SOS1: variants seen among roughly 807,000 people sequenced by gnomAD.
SOS1 encodes the protein son of sevenless homolog 1.
SOS1 carries 25 observed loss-of-function variants against 157.6 expected under a neutral mutation model. That is an observed-to-expected ratio of 0.16 (90% confidence interval 0.12 to 0.22). The LOEUF is 0.22. Among genes scored for constraint, SOS1 ranks in the 10% least tolerant of loss-of-function variants. The pLI, the probability that SOS1 is intolerant of heterozygous loss-of-function variation, is 1.00. For missense variants in SOS1, 1,237 were observed against 1,599.1 expected, an observed-to-expected ratio of 0.77 and a Z score of 3.86; for synonymous variants, 528 against 534.0, an observed-to-expected ratio of 0.99 and a Z score of 0.16.
At chr2:39,044,880 A>ACACACT (rs1670705443) in intron 6 of SOS1, among the ~76,000 whole-genome samples, 1 of 150,548 alleles carries the variant, frequency 6.6e-6, no homozygotes, top group Non-Finnish European at 1.5e-5. Flanking sequence ...ACACACACAC[A>ACACACT]CTCTGTTGTC....
At chr2:39,102,029 A>G (rs888824689) in intron 1 of SOS1, among the ~76,000 whole-genome samples, 2 of 150,414 alleles carry the variant, frequency 1.3e-5, no homozygotes, top group Non-Finnish European at 3.0e-5. Context: ...AACATGGAGA[A>G]ACCCCATCTC....
chr2:39,045,253 A>G (rs113207438), intron 6 of SOS1, among the ~76,000 whole-genome samples: 3,887 of 120,966 alleles, frequency 0.032, 166 homozygotes, highest in African/African-American at 0.11. Flanking sequence ...GGAGAGAGAG[A>G]GAGAGAGAGA....
chr2:39,050,192 A>G (rs1558488937), intron 6 of SOS1, among the ~76,000 whole-genome samples: 1 of 152,206 alleles, frequency 6.6e-6, no homozygotes, highest in Non-Finnish European at 1.5e-5. Context: ...CTGTATCATA[A>G]TGAGTGGATT....
chr2:39,014,998 C>T (rs1190409590), intron 10 of SOS1, 152 bp from the exon 11 acceptor site: 4 of 607,542 alleles, frequency 6.6e-6, no homozygotes, highest in Non-Finnish European at 1.2e-5. Context: ...TAATGCACTG[C>T]TAGCTTAGTG....
At position 39,120,677 on chromosome 2, in the gene SOS1, G is replaced by A. The variant is rs1673846267; in HGVS notation, c.-255C>T. Among the ~76,000 whole-genome samples the A allele has an allele frequency of 6.8e-6, 1 of 146,724 alleles. No individual in the cohort carries two copies. ...GGAGGCGGCGGCATCCCGCACCACC[G>A]CCCCGGGGCCAGGCCCCCCGCCCCT... On this transcript the variant is annotated 5_prime_UTR_variant, in exon 1 of 23. Coordinates refer to ENST00000402219, the MANE Select transcript of SOS1 (RefSeq NM_005633.4).
chr2:39,006,127 G>A (rs1238419172), intron 17 of SOS1, among the ~76,000 whole-genome samples: 1 of 152,028 alleles, frequency 6.6e-6, no homozygotes, highest in African/African-American at 2.4e-5. Context: ...TGCCTCTGCT[G>A]TATTTAGTTT....
intron 6 of SOS1, among the ~76,000 whole-genome samples, chr2:39,048,306 AACTG>A (rs1327639262): frequency 6.6e-5 from 10 of 152,232 alleles, no homozygotes; most frequent in Non-Finnish European, 2.9e-5. Context: ...TATATTACTC[AACTG>A]ACTGTTAACC....
rs534455319 is a variant in SOS1, at chr2:39,060,790, A to G, written c.214-1986T>C. 2.6e-5 allele frequency among the ~76,000 whole-genome samples: 4 copies of G among 152,342 alleles called. No homozygotes were observed. The East Asian group carries it at 5.8e-4, about 22-fold the overall frequency. ...GTAATTTTATGACTTACTAATGGCCATGACCTGGAGTCTAAAAACACTGGT... is the reference window on the plus strand; with the variant it reads ...GTAATTTTATGACTTACTAATGGCCGTGACCTGGAGTCTAAAAACACTGGT... On this transcript the variant is annotated intron_variant, in intron 2 of 22. Coordinates refer to ENST00000402219, the MANE Select transcript of SOS1 (RefSeq NM_005633.4).
At chr2:39,045,198 A>C (rs987999131) in intron 6 of SOS1, among the ~76,000 whole-genome samples, 1 of 149,924 alleles carries the variant, frequency 6.7e-6, no homozygotes, top group Admixed American at 6.6e-5. Context: ...GGTGGAAGCC[A>C]TGGATATGGA....
At chr2:39,049,801 G>A (rs1026670816) in intron 6 of SOS1, among the ~76,000 whole-genome samples, 1 of 152,240 alleles carries the variant, frequency 6.6e-6, no homozygotes, top group East Asian at 1.9e-4. Flanking sequence ...GTAAGGCAAC[G>A]TTTTTGTCTC....
intron 2 of SOS1, among the ~76,000 whole-genome samples, chr2:39,065,419 T>C (rs1348272585): frequency 6.6e-6 from 1 of 152,174 alleles, no homozygotes; most frequent in African/African-American, 2.4e-5. Flanking sequence ...ACACACAAAA[T>C]ACCCCAGCCT....
intron 1 of SOS1, among the ~76,000 whole-genome samples, chr2:39,084,666 G>T (rs1490635424): frequency 6.6e-6 from 1 of 152,142 alleles, no homozygotes; most frequent in Non-Finnish European, 1.5e-5. Context: ...GTTTACGCCA[G>T]TGTATATATT....
At position 39,112,264 on chromosome 2, in the gene SOS1, T is replaced by G. The variant is rs572441849; in HGVS notation, c.87+8072A>C. Reference sequence around the variant, plus strand: ...AGATAAGCGCTATTGGAGGAAAATCTCACAACCACCAGATCAACCCTACTC... The same window carrying G: ...AGATAAGCGCTATTGGAGGAAAATCGCACAACCACCAGATCAACCCTACTC... On this transcript the variant is annotated intron_variant, in intron 1 of 22. Transcript: ENST00000402219. Among the ~76,000 whole-genome samples the G allele has an allele frequency of 1.8e-4, 28 of 151,900 alleles. No individual in the cohort carries two copies. In the South Asian group the frequency reaches 5.7e-3, roughly 31 times the overall value.
At chr2:39,042,962 T>C (rs1670625012) in intron 6 of SOS1, among the ~76,000 whole-genome samples, 1 of 152,178 alleles carries the variant, frequency 6.6e-6, no homozygotes, top group African/African-American at 2.4e-5. Context: ...TAGATAATTA[T>C]ATTGACTACA....
At chr2:39,081,744 G>A (rs1178796253) in intron 1 of SOS1, among the ~76,000 whole-genome samples, 1 of 151,890 alleles carries the variant, frequency 6.6e-6, no homozygotes, top group Non-Finnish European at 1.5e-5. Context: ...AGAATCACTT[G>A]AACCCAGGAG....
At chr2:39,111,479 G>A (rs1290838890) in intron 1 of SOS1, among the ~76,000 whole-genome samples, 1 of 152,110 alleles carries the variant, frequency 6.6e-6, no homozygotes, top group Admixed American at 6.5e-5. Flanking sequence ...TTCCTATTTT[G>A]TCTATAGCTG....
chr2:38,997,109 T>G (rs1024595319), intron 18 of SOS1, 71 bp from the exon 19 acceptor site: 9 of 1,065,600 alleles, frequency 8.4e-6, no homozygotes, highest in African/African-American at 6.4e-5. Flanking sequence ...CATGGAAAGT[T>G]AAGAAAACAT....
chr2:39,057,567 G>A lies in SOS1; in HGVS notation c.346-701C>T, dbSNP rs150780996. 6.2e-3 allele frequency among the ~76,000 whole-genome samples: 949 copies of A among 152,080 alleles called. 5 individuals carry two copies. The highest frequency in any genetic ancestry group is 0.011 in the Non-Finnish European group (735 of 67,918). ...GAAGTTTGTTACAAATTGGAGACAGGCTGCATTTACCTTTTAGGGTATATA... is the reference window on the plus strand; with the variant it reads ...GAAGTTTGTTACAAATTGGAGACAGACTGCATTTACCTTTTAGGGTATATA... On this transcript the variant is annotated intron_variant, in intron 3 of 22. Transcript: ENST00000402219.
intron 1 of SOS1, among the ~76,000 whole-genome samples, chr2:39,106,448 G>A (rs1163319561): frequency 4.6e-5 from 7 of 151,284 alleles, no homozygotes; most frequent in East Asian, 1.9e-4. Flanking sequence ...AAAATTAGCC[G>A]GGCGTAGTGG....
Sources: allele counts gnomAD v4.1 joint callset (sites outside exome capture counted in the v4.1 genomes callset), GRCh38; gene constraint gnomAD v4.1.1; transcripts MANE v1.5; gene names NCBI Gene and HGNC (gene_info 2026-07-23, HGNC 2026-07-21).